CHD9: variants seen among roughly 807,000 people sequenced by gnomAD.
CHD9 encodes the protein chromodomain helicase DNA binding protein 9.
Under a neutral mutation model 316.1 loss-of-function variants are expected in CHD9, and 77 were observed. The observed-to-expected ratio is 0.24, with a 90% CI of 0.20 to 0.29. The LOEUF is 0.29. Ranked by LOEUF, CHD9 falls within the 10% of genes least tolerant of loss-of-function variation. The pLI is 1.00. For missense variants in CHD9, 2,763 were observed against 3,438.1 expected, an observed-to-expected ratio of 0.80 and a Z score of 4.91; for synonymous variants, 1,129 against 1,158.3, an observed-to-expected ratio of 0.97 and a Z score of 0.51.
chr16:53,254,069 C>T (rs1156459175), intron 17 of CHD9, among the ~76,000 whole-genome samples: 1 of 152,066 alleles, frequency 6.6e-6, no homozygotes, highest in Non-Finnish European at 1.5e-5. Flanking sequence ...CCCAGCTACT[C>T]AGGAGGCCGA....
At chr16:53,318,653 C>T (rs1000755610) in intron 37 of CHD9, among the ~76,000 whole-genome samples, 3 of 152,142 alleles carry the variant, frequency 2.0e-5, no homozygotes, top group African/African-American at 7.2e-5. Context: ...TTTCACCTCT[C>T]AAGGAATATT....
At chr16:53,108,372 G>A (rs1478763318) in intron 1 of CHD9, among the ~76,000 whole-genome samples, 5 of 151,880 alleles carry the variant, frequency 3.3e-5, no homozygotes, top group South Asian at 4.1e-4. Flanking sequence ...AGGTGCGGTG[G>A]TGTGCACCTA....
chr16:53,237,424 T>C (rs953265982), intron 11 of CHD9, among the ~76,000 whole-genome samples: 4 of 152,108 alleles, frequency 2.6e-5, no homozygotes, highest in Non-Finnish European at 2.9e-5. Flanking sequence ...CCTAATCTTA[T>C]TGGATTTGTT....
At chr16:53,290,632 TA>T (rs992444917) in intron 27 of CHD9, among the ~76,000 whole-genome samples, 1 of 150,778 alleles carries the variant, frequency 6.6e-6, no homozygotes, top group African/African-American at 2.4e-5. Flanking sequence ...CTACAACAAA[TA>T]AAAAAAAGAT....
chr16:53,292,421 C>T (rs1362964204), intron 28 of CHD9, among the ~76,000 whole-genome samples: 4 of 152,182 alleles, frequency 2.6e-5, no homozygotes, highest in African/African-American at 9.7e-5. Context: ...AATGTTTCTT[C>T]CCAGTGACTT....
At chr16:53,242,811 A>C (rs1257083703) in intron 12 of CHD9, 29 bp from the exon 13 acceptor site, 1 of 1,578,878 alleles carries the variant, frequency 6.3e-7, no homozygotes, top group East Asian at 2.2e-5. Flanking sequence ...AAAATATTCC[A>C]GCAAATAATT....
chr16:53,218,799 T>C (rs2046986413), intron 3 of CHD9, among the ~76,000 whole-genome samples: 1 of 152,208 alleles, frequency 6.6e-6, no homozygotes. Flanking sequence ...GAGATTGTTA[T>C]TTAAACAACT....
chr16:53,128,361 T>C (rs1458707141), intron 1 of CHD9, among the ~76,000 whole-genome samples: 1 of 152,144 alleles, frequency 6.6e-6, no homozygotes, highest in Non-Finnish European at 1.5e-5. Flanking sequence ...GTTGTATTTT[T>C]AGTAGAGGTG....
chr16:53,307,548 C>T (rs1470355938), intron 32 of CHD9, 133 bp from the exon 33 acceptor site: 9 of 717,538 alleles, frequency 1.3e-5, no homozygotes, highest in Admixed American at 3.0e-5. Flanking sequence ...TATATATATA[C>T]ACGAGAATAT....
At chr16:53,144,615 G>A (rs1350176017) in intron 1 of CHD9, among the ~76,000 whole-genome samples, 1 of 151,042 alleles carries the variant, frequency 6.6e-6, no homozygotes, top group Non-Finnish European at 1.5e-5. Flanking sequence ...CACAACCTCT[G>A]CCTCCCGGGT....
In CHD9 at chr16:53,183,123, T is replaced by A. The variant is rs564850391; in HGVS notation, c.1452+25582T>A. 1.8e-3 allele frequency among the ~76,000 whole-genome samples: 280 copies of A among 152,340 alleles called. 2 individuals are homozygous for A. The highest frequency in any genetic ancestry group is 3.1e-3 in the Non-Finnish European group (209 of 68,032). On this transcript the variant is annotated intron_variant, in intron 2 of 38. Coordinates refer to ENST00000447540, the MANE Select transcript of CHD9 (RefSeq NM_001308319.2). ...TAACACTTGAATCAACATTAATTTA[T>A]ATGTTGGTACTTTAAAAATAATGTA...
chr16:53,312,479 G>T (rs1384872997), intron 34 of CHD9, among the ~76,000 whole-genome samples: 1 of 152,154 alleles, frequency 6.6e-6, no homozygotes, highest in Non-Finnish European at 1.5e-5. Flanking sequence ...TGTCAGAAGG[G>T]GTAAAAGAAG....
At chr16:53,153,936 T>C (rs1167919459) in intron 1 of CHD9, among the ~76,000 whole-genome samples, 2 of 152,172 alleles carry the variant, frequency 1.3e-5, no homozygotes, top group Non-Finnish European at 2.9e-5. Context: ...TGTGAGTATC[T>C]GTATGCTAGC....
chr16:53,060,648 C>T (rs7191115), intron 1 of CHD9, among the ~76,000 whole-genome samples: 43 of 151,972 alleles, frequency 2.8e-4, no homozygotes, highest in African/African-American at 1.0e-3. Context: ...CCCAGCTACT[C>T]AGGAGGCTGA....
intron 28 of CHD9, 50 bp from the exon 29 acceptor site, chr16:53,292,782 CT>C: frequency 6.9e-7 from 1 of 1,447,844 alleles, no homozygotes; most frequent in Non-Finnish European, 9.7e-7. Context: ...CTTTTGTGAG[CT>C]TCATACAGTA....
intron 1 of CHD9, among the ~76,000 whole-genome samples, chr16:53,093,724 G>C (rs921454817): frequency 2.4e-4 from 36 of 152,224 alleles, no homozygotes; most frequent in Admixed American, 8.5e-4. Flanking sequence ...CTGAGGCTTA[G>C]AGAATTAAGC....
chr16:53,266,752 A>G (rs2051735956), intron 20 of CHD9, among the ~76,000 whole-genome samples: 1 of 152,228 alleles, frequency 6.6e-6, no homozygotes, highest in African/African-American at 2.4e-5. Flanking sequence ...ATTGTTTTGA[A>G]TGAATTAAAC....
intron 20 of CHD9, 118 bp from the exon 21 acceptor site, chr16:53,267,172 TGTTA>T (rs936788485): frequency 1.7e-6 from 1 of 576,920 alleles, no homozygotes; most frequent in Admixed American, 3.7e-5. Context: ...TTGGTGAAAT[TGTTA>T]GTTGTTTCTT....
intron 35 of CHD9, 120 bp downstream of exon 35, chr16:53,314,636 A>G (rs1372959066): frequency 8.1e-6 from 8 of 991,092 alleles, no homozygotes; most frequent in African/African-American, 1.6e-5. Flanking sequence ...GAAGTATGCC[A>G]TATAATTTTA....
Sources: allele counts gnomAD v4.1 joint callset (sites outside exome capture counted in the v4.1 genomes callset), GRCh38; gene constraint gnomAD v4.1.1; transcripts MANE v1.5; gene names NCBI Gene and HGNC (gene_info 2026-07-23, HGNC 2026-07-21).